Variants in PRMT8 observed in about 807,000 individuals in gnomAD.
The protein encoded by PRMT8 is protein arginine methyltransferase 8, also known as protein arginine N-methyltransferase 8.
PRMT8 carries 7 observed loss-of-function variants against 47.1 expected under a neutral mutation model. That is an observed-to-expected ratio of 0.15 (90% confidence interval 0.08 to 0.28). PRMT8 has a LOEUF of 0.28. PRMT8 is among the 10% of genes least tolerant of loss of function. The pLI, the probability that PRMT8 is intolerant of heterozygous loss-of-function variation, is 1.00. For synonymous variants in PRMT8, 188 were observed against 186.5 expected (o/e 1.01, Z -0.07); for missense variants, 237 against 505.4 (o/e 0.47, Z 5.09).
chr12:3,589,473 G>A lies in PRMT8; in HGVS notation c.980-2758G>A, dbSNP rs371013064. 2.0e-4 allele frequency among the ~76,000 whole-genome samples: 31 copies of A among 152,272 alleles called. 1 individual carries two copies. In the East Asian group the frequency reaches 6.0e-3, roughly 29 times the overall value. On this transcript the variant is annotated intron_variant, in intron 8 of 9. Transcript: ENST00000382622. Reference sequence around the variant, plus strand: ...GTCTTTCCCACTCTACCTTCCCAAAGGAGGTCAGGAGATGCACTGCGATTC... The same window carrying A: ...GTCTTTCCCACTCTACCTTCCCAAAAGAGGTCAGGAGATGCACTGCGATTC...
intron 1 of PRMT8, among the ~76,000 whole-genome samples, chr12:3,447,372 C>T (rs1481072170): frequency 1.3e-5 from 2 of 152,122 alleles, no homozygotes; most frequent in African/African-American, 4.8e-5. Context: ...TGGGGGTGCA[C>T]TCCAGTCTGT....
chr12:3,531,005 A>G (rs1182397014), intron 1 of PRMT8, among the ~76,000 whole-genome samples: 1 of 152,134 alleles, frequency 6.6e-6, no homozygotes, highest in Non-Finnish European at 1.5e-5. Flanking sequence ...CAAGTCCAGA[A>G]CCCACCGGTG....
chr12:3,392,897 C>T (rs1236250827), intron 1 of PRMT8, among the ~76,000 whole-genome samples: 11 of 152,248 alleles, frequency 7.2e-5, no homozygotes, highest in South Asian at 6.2e-4. Context: ...TTTTAATGAT[C>T]GCCATTCTAA....
In PRMT8 at chr12:3,538,775, A is replaced by G. The variant is rs1352243649; in HGVS notation, c.76-1831A>G. On this transcript the variant is annotated intron_variant, in intron 1 of 9. Coordinates refer to ENST00000382622, the MANE Select transcript of PRMT8 (RefSeq NM_019854.5). The surrounding 1 kb of genome is among the most constrained non-coding windows in gnomAD (Gnocchi z 4.6). ...TATTTTTAGCCTCCCAGAGACCGTGACCAACATCCCAAGCTGAGAGTGGGC... is the reference window on the plus strand; with the variant it reads ...TATTTTTAGCCTCCCAGAGACCGTGGCCAACATCCCAAGCTGAGAGTGGGC... 1.9e-6 allele frequency: 1 copy of G among 517,564 alleles called. No individual in the cohort carries two copies. The allele number at this position is 517,564 out of a possible 1,614,324, so 32.1% of individuals were successfully genotyped here. A position where few individuals can be genotyped will look rare whatever the true frequency, so the allele number is the denominator to read the frequency against.
chr12:3,584,734 C>G (rs540517569), intron 8 of PRMT8, among the ~76,000 whole-genome samples: 1 of 152,258 alleles, frequency 6.6e-6, no homozygotes, highest in South Asian at 2.1e-4. Flanking sequence ...ATAGATGCCT[C>G]TTTTTTGGCT....
intron 2 of PRMT8, 142 bp from the exon 3 acceptor site, chr12:3,549,794 G>A: frequency 2.2e-6 from 2 of 897,424 alleles, no homozygotes; most frequent in Non-Finnish European, 3.4e-6. Context: ...AGCTACCCCA[G>A]TTTTGTCCTC....
intron 2 of PRMT8, among the ~76,000 whole-genome samples, chr12:3,544,556 C>CA (rs1331233883): frequency 1.3e-5 from 2 of 152,124 alleles, no homozygotes; most frequent in African/African-American, 4.8e-5. Context: ...AGTGGGGGAC[C>CA]GCCTAATGCC....
intron 1 of PRMT8, among the ~76,000 whole-genome samples, chr12:3,430,416 G>A (rs1199946384): frequency 6.6e-6 from 1 of 152,144 alleles, no homozygotes; most frequent in Non-Finnish European, 1.5e-5. Flanking sequence ...GACAATATGA[G>A]GGGTGGTCTC....
intron 1 of PRMT8, among the ~76,000 whole-genome samples, chr12:3,457,511 G>A (rs1335723910): frequency 3.3e-5 from 5 of 152,000 alleles, no homozygotes; most frequent in African/African-American, 1.2e-4. Flanking sequence ...GTCTCCCTCT[G>A]TTTCCTAGGC....
chr12:3,459,530 C>T (rs914803214), intron 1 of PRMT8, among the ~76,000 whole-genome samples: 4 of 152,170 alleles, frequency 2.6e-5, no homozygotes, highest in African/African-American at 4.8e-5. Context: ...CTTACACCAT[C>T]GGAGTCAGGG....
rs1401193251 is a variant in PRMT8, at chr12:3,580,903, A to G, written c.829-2155A>G. On this transcript the variant is annotated intron_variant, in intron 7 of 9. Transcript: ENST00000382622. The surrounding 1 kb of genome is among the most constrained non-coding windows in gnomAD (Gnocchi z 4.6). ...TTTGAGCTGGAGGACACCTGTGGAC[A>G]GCATGTGGCCATGTGGCTGGGAGGG... 1.3e-5 allele frequency among the ~76,000 whole-genome samples: 2 copies of G among 152,222 alleles called. No individual in the cohort carries two copies. The highest frequency in any genetic ancestry group is 2.9e-5 in the Non-Finnish European group (2 of 68,032).
intron 1 of PRMT8, among the ~76,000 whole-genome samples, chr12:3,396,084 T>G (rs1263568645): frequency 2.0e-5 from 3 of 152,142 alleles, no homozygotes; most frequent in Admixed American, 6.5e-5. Context: ...CCTCCATCCT[T>G]TTATTTTGAG....
At position 3,485,774 on chromosome 12, in the gene PRMT8, G is replaced by C. The variant is rs147687743; in HGVS notation, c.49-54832G>C. ...TATAACTTAGGTCTTATATATATTT[G>C]CATGAGCAAAAAATAGAGAAGAGTA... On this transcript the variant is annotated intron_variant, in intron 1 of 9. Coordinates refer to the PRMT8 transcript ENST00000452611. Among the ~76,000 whole-genome samples the C allele has an allele frequency of 1.3e-3, 202 of 152,208 alleles. 2 individuals are homozygous for C. The highest frequency in any genetic ancestry group is 4.6e-3 in the African/African-American group (192 of 41,530).
intron 1 of PRMT8, among the ~76,000 whole-genome samples, chr12:3,505,168 T>C (rs9284171): frequency 2.0e-5 from 3 of 151,810 alleles, no homozygotes; most frequent in African/African-American, 7.3e-5. Context: ...TCTTCTGCGT[T>C]GCTCACGCTG....
At chr12:3,424,226 T>A (rs1002524199) in intron 1 of PRMT8, among the ~76,000 whole-genome samples, 6 of 152,208 alleles carry the variant, frequency 3.9e-5, no homozygotes, top group African/African-American at 1.2e-4. Context: ...CATCGATTCC[T>A]AAGGTCACAC....
At chr12:3,401,312 G>C (rs1477594806) in intron 1 of PRMT8, among the ~76,000 whole-genome samples, 2 of 151,926 alleles carry the variant, frequency 1.3e-5, no homozygotes, top group Non-Finnish European at 2.9e-5. Flanking sequence ...ACTAGGTATT[G>C]AGGAATATAC....
rs1313911205 is a variant in PRMT8, at chr12:3,564,519, G to C, written c.482-4187G>C. On this transcript the variant is annotated intron_variant, in intron 4 of 9. Transcript: ENST00000382622. This position sits in a 1 kb window ranked among gnomAD's most constrained non-coding sequence, Gnocchi z 4.0. ...ATCTGGATGTCTCACTTACAAACTT[G>C]AAGCTACAGGAGAAGTTTTCCCAAT... Among the ~76,000 whole-genome samples the C allele has an allele frequency of 6.6e-6, 1 of 152,202 alleles. No homozygotes were observed. Among genetic ancestry groups the C allele is most frequent in the African/African-American group, 2.4e-5 (1 of 41,446 alleles).
chr12:3,464,728 A>T (rs1865074498), intron 1 of PRMT8, among the ~76,000 whole-genome samples: 1 of 152,192 alleles, frequency 6.6e-6, no homozygotes, highest in Non-Finnish European at 1.5e-5. Flanking sequence ...ATCAGATCTC[A>T]TCTGCCCTGG....
intron 1 of PRMT8, among the ~76,000 whole-genome samples, chr12:3,386,464 C>T (rs1864139078): frequency 6.6e-6 from 1 of 152,182 alleles, no homozygotes; most frequent in Admixed American, 6.5e-5. Context: ...CTTCTAATAT[C>T]AATAAACAAG....
Sources: gnomAD v4.1 joint callset for allele counts (sites outside exome capture counted in the v4.1 genomes callset) on GRCh38, gnomAD v4.1.1 for gene constraint, Gnocchi (gnomAD v3.1) non-coding constraint, MANE v1.5 for transcripts, NCBI Gene and HGNC (gene_info 2026-07-23, HGNC 2026-07-21) for gene names.